Variants in PGLS observed in about 807,000 individuals in gnomAD.
The protein encoded by PGLS is epididymis secretory protein Li 304.
Under a neutral mutation model 23.2 loss-of-function variants are expected in PGLS, and 21 were observed. The ratio of observed to expected loss-of-function variants is 0.91; its 90% CI spans 0.64 to 1.31. The LOEUF (loss-of-function observed/expected upper bound fraction) is 1.31, where lower values mean the gene tolerates loss of function less well. PGLS is among the 50% of genes most tolerant of loss of function. The probability of loss-of-function intolerance (pLI) is 0.00; values close to 1 mark genes in which losing one functional copy is unlikely to be tolerated. For synonymous variants in PGLS, 179 were observed against 165.4 expected, an observed-to-expected ratio of 1.08 and a Z score of -0.63; for missense variants, 410 against 354.0, an observed-to-expected ratio of 1.16 and a Z score of -1.27.
chr19:17,517,590 C>T, intron 3 of PGLS, 120 bp from the exon 4 acceptor site: 1 of 1,189,100 alleles, frequency 8.4e-7, no homozygotes, highest in Non-Finnish European at 1.2e-6. Context: ...AACTACCCAC[C>T]ATGGGATTGT....
chr19:17,517,931 T>C, intron 4 of PGLS, 81 bp downstream of exon 4: 1 of 1,407,904 alleles, frequency 7.1e-7, no homozygotes, highest in Non-Finnish European at 9.8e-7. Context: ...GACATTATTG[T>C]GCTGAAGCAT....
intron 1 of PGLS, among the ~76,000 whole-genome samples, chr19:17,514,612 C>T (rs1345756803): frequency 6.6e-6 from 1 of 152,078 alleles, no homozygotes; most frequent in Non-Finnish European, 1.5e-5. Flanking sequence ...CTGCCTCAGC[C>T]TCCTCAGTAG....
rs369874132 is a variant in PGLS, at chr19:17,519,134, C to T, written c.639+1284C>T. 3.2e-3 allele frequency among the ~76,000 whole-genome samples: 491 copies of T among 151,272 alleles called. 3 individuals carry two copies. The highest frequency in any genetic ancestry group is 4.1e-3 in the Non-Finnish European group (275 of 67,774). Reference sequence around the variant, plus strand: ...TTCAAGACCAGCCTGGCCAACATGGCGAAACCCTGTCTCTACTAAAAATAC... The same window carrying T: ...TTCAAGACCAGCCTGGCCAACATGGTGAAACCCTGTCTCTACTAAAAATAC... On this transcript the variant is annotated intron_variant, in intron 4 of 4. Transcript: ENST00000252603.
rs144273211 is a variant in PGLS, at chr19:17,517,344, C to T, written c.453C>T (p.Pro151=). The stretch of plus-strand genomic sequence containing the variant: ...ACCTGCTGATCCTGGGGGTGGGCCC[C>T]GATGGTCACACCTGCTCACTCTTCC... ...VFDLLILGVG[P]DGHTCSLFPD... Residue 151 remains proline, a synonymous_variant, in exon 3 of 5, where the codon CCC becomes CCT. Transcript: ENST00000252603. The T allele has an allele frequency of 6.3e-5, 101 of 1,613,890 alleles. No individual in the cohort carries two copies. The East Asian group carries it at 6.7e-4, about 11-fold the overall frequency.
rs1225558640 is a variant in PGLS at position 17,520,982 on chromosome 19, C to T, written c.678C>T (p.Ala226=). 3.1e-6 allele frequency: 5 copies of T among 1,598,570 alleles called. 1 individual carries two copies. In the South Asian group the frequency reaches 4.5e-5, roughly 14 times the overall value. The part of the protein sequence containing the change: ...LEDQEENPLP[A]ALVQPHTGKL... Reference sequence around the variant, plus strand: ...ACCAGGAGGAAAACCCGCTGCCCGCCGCCCTGGTCCAGCCCCACACCGGGA... The same window carrying T: ...ACCAGGAGGAAAACCCGCTGCCCGCTGCCCTGGTCCAGCCCCACACCGGGA... The change falls in exon 5 of 5, where the codon GCC becomes GCT. Residue 226 remains alanine (A), a synonymous_variant. Transcript: ENST00000252603.
chr19:17,519,556 C>T (rs543479065), intron 4 of PGLS, among the ~76,000 whole-genome samples: 2 of 151,870 alleles, frequency 1.3e-5, no homozygotes, highest in African/African-American at 4.8e-5. Context: ...CCTGCCACCA[C>T]GCCCAGCTAA....
Position 17,511,765 on chromosome 19 carries a change from A to G in PGLS, c.93A>G (p.Ala31=). 6.7e-7 allele frequency: 1 copy of G among 1,499,670 alleles called. No homozygotes were observed. The highest frequency in any genetic ancestry group is 8.8e-7 in the Non-Finnish European group (1 of 1,131,814). The allele number at this position is 1,499,670 out of a possible 1,614,324, so 92.9% of individuals were successfully genotyped here. ...CGCAGCTGGTGGCCCAGCGCGCAGC[A>G]TGCTGCCTGGCAGGGGCCCGCGCCC... ...ALAQLVAQRA[A]CCLAGARARF... The change falls in exon 1 of 5, where the codon GCA becomes GCG. Residue 31 remains alanine (A), a synonymous_variant. Transcript: ENST00000252603.
At position 17,517,558 on chromosome 19, in the gene PGLS, G is replaced by A. The variant is rs563197796; in HGVS notation, c.499-152G>A. ...CTCAATCCTTTCAGGTCTCAGTTGAGCCCCTTAAAACAGGGACCTTAAACT... is the reference window on the plus strand; with the variant it reads ...CTCAATCCTTTCAGGTCTCAGTTGAACCCCTTAAAACAGGGACCTTAAACT... On this transcript the variant is annotated intron_variant, in intron 3 of 4. Transcript: ENST00000252603. 12 of 975,364 alleles carry A rather than the reference G, an allele frequency of 1.2e-5. No homozygotes were observed. The African/African-American group carries it at 1.8e-4, about 14-fold the overall frequency. The allele number at this position is 975,364 out of a possible 1,614,324, so 60.4% of individuals were successfully genotyped here.
At chr19:17,514,610 GCCT>G (rs964156489) in intron 1 of PGLS, among the ~76,000 whole-genome samples, 3 of 151,948 alleles carry the variant, frequency 2.0e-5, no homozygotes, top group Non-Finnish European at 2.9e-5. Flanking sequence ...CCCTGCCTCA[GCCT>G]CCTCAGTAGC....
chr19:17,511,737 T>C lies in PGLS; in HGVS notation c.65T>C (p.Leu22Pro). 6.6e-7 allele frequency: 1 copy of C among 1,506,208 alleles called. No homozygotes were observed. The highest frequency in any genetic ancestry group is 1.2e-5 in the South Asian group (1 of 81,828). The allele number at this position is 1,506,208 out of a possible 1,614,324, so 93.3% of individuals were successfully genotyped here. Residue 22 changes from leucine (L) to proline (P), a missense_variant, in exon 1 of 5, where the codon CTA (leucine) becomes CCA (proline). Physicochemically the swap from Leu to Pro is moderately conservative, Grantham distance 98 (BLOSUM62 -3). Coordinates refer to ENST00000252603, the MANE Select transcript of PGLS (RefSeq NM_012088.3). Reference protein sequence around the residue: ...FSSSQELGAALAQLVAQRAAC... With the variant: ...FSSSQELGAAPAQLVAQRAAC... ...AGTTCCCAGGAGCTGGGTGCGGCGCTAGCGCAGCTGGTGGCCCAGCGCGCA... is the reference window on the plus strand; with the variant it reads ...AGTTCCCAGGAGCTGGGTGCGGCGCCAGCGCAGCTGGTGGCCCAGCGCGCA...
intron 4 of PGLS, among the ~76,000 whole-genome samples, chr19:17,519,132 G>A (rs1052857382): frequency 2.6e-5 from 4 of 151,566 alleles, no homozygotes; most frequent in Non-Finnish European, 5.9e-5. Context: ...TGGCCAACAT[G>A]GCGAAACCCT....
intron 2 of PGLS, among the ~76,000 whole-genome samples, chr19:17,516,666 G>C (rs1452924623): frequency 1.3e-5 from 2 of 150,828 alleles, no homozygotes; most frequent in African/African-American, 4.9e-5. Context: ...CTCACTGCAA[G>C]CTCCGCCTCC....
At chr19:17,517,047 G>A (rs1464677932) in intron 2 of PGLS, among the ~76,000 whole-genome samples, 2 of 151,528 alleles carry the variant, frequency 1.3e-5, no homozygotes, top group Admixed American at 6.6e-5. Flanking sequence ...ACCACGCCTG[G>A]CTAATTTTTG....
chr19:17,515,019 G>C (rs1453548303), intron 1 of PGLS, among the ~76,000 whole-genome samples: 1 of 151,932 alleles, frequency 6.6e-6, no homozygotes, highest in Non-Finnish European at 1.5e-5. Context: ...AAACTCCTGG[G>C]CTCAACCGAT....
chr19:17,516,633 G>A, intron 2 of PGLS: 1 of 550,466 alleles, frequency 1.8e-6, no homozygotes, highest in Non-Finnish European at 2.3e-6. Context: ...CGCCCAGGCT[G>A]GAGTGCAGTG....
intron 2 of PGLS, among the ~76,000 whole-genome samples, chr19:17,516,759 G>T (rs2075534776): frequency 6.7e-6 from 1 of 149,838 alleles, no homozygotes; most frequent in Admixed American, 6.6e-5. Context: ...TAATTTTTTT[G>T]TATTTTTTTA....
chr19:17,512,007 C>T, intron 1 of PGLS, 47 bp downstream of exon 1: 1 of 1,500,876 alleles, frequency 6.7e-7, no homozygotes, highest in South Asian at 1.2e-5. Context: ...AGGGCCACAG[C>T]CACCGCCTAC....
At chr19:17,512,658 G>A (rs991377971) in intron 1 of PGLS, 2 of 151,940 alleles carry the variant, frequency 1.3e-5, no homozygotes, top group African/African-American at 2.4e-5. Flanking sequence ...AGAATCAGAG[G>A]AGCGCGCTCT....
chr19:17,511,871 C>T lies in PGLS; in HGVS notation c.199C>T (p.Pro67Ser), dbSNP rs1299121992. The T allele has an allele frequency of 6.5e-7, 1 of 1,536,998 alleles. No individual in the cohort carries two copies. Among genetic ancestry groups the T allele is most frequent in the South Asian group, 1.2e-5 (1 of 83,448 alleles). ...ELPAAVAPAGPASLARWTLGF... is the reference protein window; with the variant it reads ...ELPAAVAPAGSASLARWTLGF... Reference sequence around the variant, plus strand: ...ACCCGCCGCCGTCGCCCCTGCCGGGCCAGCTAGCTTAGCGCGCTGGACGCT... The same window carrying T: ...ACCCGCCGCCGTCGCCCCTGCCGGGTCAGCTAGCTTAGCGCGCTGGACGCT... Residue 67 changes from proline (P) to serine (S), a missense_variant, in exon 1 of 5, where the codon CCA (proline) becomes TCA (serine). Coordinates refer to ENST00000252603, the MANE Select transcript of PGLS (RefSeq NM_012088.3).
Sources: allele counts gnomAD v4.1 joint callset (sites outside exome capture counted in the v4.1 genomes callset), GRCh38; gene constraint gnomAD v4.1.1; transcripts MANE v1.5; gene names NCBI Gene and HGNC (gene_info 2026-07-23, HGNC 2026-07-21).